IFFO2: variants seen among roughly 807,000 people sequenced by gnomAD.
The protein encoded by IFFO2 is intermediate filament family orphan 2.
A neutral mutation model predicts 53.5 loss-of-function variants in IFFO2; 19 were observed. The ratio of observed to expected loss-of-function variants is 0.36; its 90% confidence interval spans 0.25 to 0.52. The LOEUF (loss-of-function observed/expected upper bound fraction) is 0.52. Among genes scored for constraint, IFFO2 ranks in the 20% least tolerant of loss-of-function variants. IFFO2 has a pLI of 0.94. For synonymous variants in IFFO2, 303 were observed against 313.6 expected, an observed-to-expected ratio of 0.97 and a Z score of 0.36; for missense variants, 570 against 727.4, an observed-to-expected ratio of 0.78 and a Z score of 2.49.
At chr1:18,933,418 G>A (rs949875233) in intron 1 of IFFO2, among the ~76,000 whole-genome samples, 3 of 152,376 alleles carry the variant, frequency 2.0e-5, no homozygotes, top group South Asian at 4.1e-4. Context: ...CTTCAGCAGC[G>A]ACGTGGGTGG....
At chr1:18,930,983 C>A (rs1936368202) in intron 1 of IFFO2, among the ~76,000 whole-genome samples, 1 of 152,128 alleles carries the variant, frequency 6.6e-6, no homozygotes. Flanking sequence ...CCAGCCTGAA[C>A]AACATAGTGA....
rs954134103 is a variant in IFFO2 at position 18,919,308 on chromosome 1, C to T, written c.822+370G>A. 1.1e-4 allele frequency among the ~76,000 whole-genome samples: 17 copies of T among 152,196 alleles called. No individual in the cohort carries two copies. The highest frequency in any genetic ancestry group is 2.4e-4 in the Non-Finnish European group (16 of 68,034). ...GTCTCTCAGGCCCGCACAGACCAGA[C>T]GGCACCTGGCCCAACCTGCCAGACG... On this transcript the variant is annotated intron_variant, in intron 3 of 8. Transcript: ENST00000455833. The surrounding 1 kb of genome is among the most constrained non-coding windows in gnomAD (Gnocchi z 4.9).
intron 1 of IFFO2, among the ~76,000 whole-genome samples, chr1:18,946,483 C>T (rs1400202258): frequency 7.1e-6 from 1 of 140,976 alleles, no homozygotes; most frequent in East Asian, 2.1e-4. Flanking sequence ...GGCGAGATCT[C>T]GGTTCACTGC....
In IFFO2 at chr1:18,936,752, T is replaced by C. The variant is rs1936454094; in HGVS notation, c.666-15631A>G. Among the ~76,000 whole-genome samples, 2 of 152,140 alleles carry C rather than the reference T, an allele frequency of 1.3e-5. No homozygotes were observed. The highest frequency in any genetic ancestry group is 2.9e-5 in the Non-Finnish European group (2 of 68,012). On this transcript the variant is annotated intron_variant, in intron 1 of 8. Transcript: ENST00000455833. This position sits in a 1 kb window ranked among gnomAD's most constrained non-coding sequence, Gnocchi z 4.5. ...CTGGGAGCCCAGATTTTCCTTATCA[T>C]GTGCAGCCTGAAAAAATGAGGGGCT...
In IFFO2 at chr1:18,919,589, C is replaced by T. The variant is rs1303406700; in HGVS notation, c.822+89G>A. On this transcript the variant is annotated intron_variant, in intron 3 of 8. Coordinates refer to ENST00000455833, the MANE Select transcript of IFFO2 (RefSeq NM_001136265.2). The surrounding 1 kb of genome is among the most constrained non-coding windows in gnomAD (Gnocchi z 4.9). ...GCCAGCCAGGATTCTAACTAGAAGC[C>T]GAGCCCCGGAGCCTCGGAGGGAATG... The T allele has an allele frequency of 9.2e-6, 8 of 868,712 alleles. No homozygotes were observed. The highest frequency in any genetic ancestry group is 5.3e-5 in the East Asian group (2 of 37,574). The allele number at this position is 868,712 out of a possible 1,614,324, so 53.8% of individuals were successfully genotyped here. A position where few individuals can be genotyped will look rare whatever the true frequency, so the allele number is the denominator to read the frequency against.
chr1:18,952,507 G>A (rs1936671120), intron 1 of IFFO2, among the ~76,000 whole-genome samples: 1 of 152,178 alleles, frequency 6.6e-6, no homozygotes, highest in Non-Finnish European at 1.5e-5. Context: ...ATACTACAGA[G>A]GAATATTTTT....
intron 5 of IFFO2, among the ~76,000 whole-genome samples, chr1:18,915,111 T>C (rs968467334): frequency 6.6e-6 from 1 of 152,140 alleles, no homozygotes; most frequent in East Asian, 1.9e-4. Flanking sequence ...CTTCCAGGCA[T>C]GGCGTGGGGG....
chr1:18,954,176 G>A (rs1264915686), intron 1 of IFFO2, among the ~76,000 whole-genome samples: 4 of 152,242 alleles, frequency 2.6e-5, no homozygotes, highest in African/African-American at 4.8e-5. Context: ...GAAGCTAGGC[G>A]CCACATGAGA....
chr1:18,944,171 G>C (rs956369362), intron 1 of IFFO2, among the ~76,000 whole-genome samples: 2 of 152,208 alleles, frequency 1.3e-5, no homozygotes, highest in African/African-American at 4.8e-5. Context: ...ATAGGGGTGA[G>C]AGAGAAATAG....
chr1:18,913,315 T>C (rs892094400), intron 5 of IFFO2, among the ~76,000 whole-genome samples: 2 of 152,222 alleles, frequency 1.3e-5, no homozygotes, highest in African/African-American at 2.4e-5. Context: ...GGGTGGGTGC[T>C]GGAGAGGGCC....
chr1:18,953,856 C>G (rs771281806), intron 1 of IFFO2, among the ~76,000 whole-genome samples: 1 of 152,166 alleles, frequency 6.6e-6, no homozygotes, highest in African/African-American at 2.4e-5. Flanking sequence ...AGACTGGGCA[C>G]GGTTTTTCCA....
chr1:18,931,431 G>A (rs1478565150), intron 1 of IFFO2, among the ~76,000 whole-genome samples: 1 of 152,122 alleles, frequency 6.6e-6, no homozygotes, highest in Non-Finnish European at 1.5e-5. Flanking sequence ...GCCTCTTCCA[G>A]GCTTGGGTAC....
At position 18,918,419 on chromosome 1, in the gene IFFO2, G is replaced by T; in HGVS notation, c.906C>A (p.Ala302=). ...GCTGCTGTGCGACATCGCACAGCTT[G>T]GCCGTGATATCGATTCGGCGGCAGA... The part of the protein sequence containing the change: ...MDICRRIDIT[A]KLCDVAQQRN... The change falls in exon 4 of 9, where the codon GCC becomes GCA. Residue 302 remains alanine, a synonymous_variant. Coordinates refer to ENST00000455833, the MANE Select transcript of IFFO2 (RefSeq NM_001136265.2). This position sits in a 1 kb window ranked among gnomAD's most constrained non-coding sequence, Gnocchi z 5.2. 1 of 1,558,634 alleles carries T rather than the reference G, an allele frequency of 6.4e-7. No individual in the cohort carries two copies. Among genetic ancestry groups the T allele is most frequent in the Non-Finnish European group, 8.7e-7 (1 of 1,150,722 alleles).
Position 18,918,410 on chromosome 1 carries a change from G to T in IFFO2, c.915C>A (p.Cys305Ter). The T allele has an allele frequency of 6.4e-7, 1 of 1,556,364 alleles. No individual in the cohort carries two copies. The highest frequency in any genetic ancestry group is 8.7e-7 in the Non-Finnish European group (1 of 1,149,480). ...CRRIDITAKL[C>*]DVAQQRNSED... ...CTGAGTTCCGCTGCTGTGCGACATC[G>T]CACAGCTTGGCCGTGATATCGATTC... Residue 305 changes from cysteine (C) to a stop codon, truncating the protein, a stop_gained, in exon 4 of 9, where the codon TGC (cysteine) becomes TGA (stop). Coordinates refer to ENST00000455833, the MANE Select transcript of IFFO2 (RefSeq NM_001136265.2). LOFTEE classifies it high-confidence loss of function. The surrounding 1 kb of genome is among the most constrained non-coding windows in gnomAD (Gnocchi z 5.2).
At chr1:18,924,991 C>T (rs1936263290) in intron 1 of IFFO2, among the ~76,000 whole-genome samples, 1 of 152,220 alleles carries the variant, frequency 6.6e-6, no homozygotes, top group Non-Finnish European at 1.5e-5. Context: ...TGGACAACTC[C>T]AGCCACGGCT....
In IFFO2 at chr1:18,913,771, G is replaced by A. The variant is rs553180341; in HGVS notation, c.1104-1688C>T. On this transcript the variant is annotated intron_variant, in intron 5 of 8. Transcript: ENST00000455833. ...CGGCCCACACAGAACTGCAGAATGG[G>A]GGTGGGGGGTGATCAAAGTGATCAG... 8.7e-4 allele frequency among the ~76,000 whole-genome samples: 133 copies of A among 152,336 alleles called. 1 individual carries two copies. The Middle Eastern group carries it at 0.014, about 16-fold the overall frequency.
chr1:18,924,909 C>G (rs916246356), intron 1 of IFFO2, among the ~76,000 whole-genome samples: 19 of 152,234 alleles, frequency 1.2e-4, no homozygotes, highest in African/African-American at 4.6e-4. Context: ...CTCCATCATA[C>G]TGCACATGCA....
intron 1 of IFFO2, among the ~76,000 whole-genome samples, chr1:18,938,826 G>T (rs550768230): frequency 1.3e-5 from 2 of 152,296 alleles, no homozygotes; most frequent in South Asian, 2.1e-4. Context: ...ACCCCTGCAG[G>T]CCCTCAAAGG....
rs546554470 is a variant in IFFO2, at chr1:18,932,436, C to T, written c.666-11315G>A. On this transcript the variant is annotated intron_variant, in intron 1 of 8. Transcript: ENST00000455833. ...GGCACTGACTGCAGAGATCCCACCC[C>T]TGACCCCCCCAGACTGGGATGCCAG... 5.9e-5 allele frequency among the ~76,000 whole-genome samples: 9 copies of T among 152,368 alleles called. No individual in the cohort carries two copies. The South Asian group carries it at 1.7e-3, about 28-fold the overall frequency.
Sources: gnomAD v4.1 joint callset for allele counts (sites outside exome capture counted in the v4.1 genomes callset) on GRCh38, gnomAD v4.1.1 for gene constraint, Gnocchi (gnomAD v3.1) non-coding constraint, MANE v1.5 for transcripts, NCBI Gene and HGNC (gene_info 2026-07-23, HGNC 2026-07-21) for gene names.